The following MAML2 variants were observed in gnomAD, a reference collection of about 807,000 sequenced individuals.
MAML2 encodes the protein mastermind like transcriptional coactivator 2.
A neutral mutation model predicts 96.1 loss-of-function variants in MAML2; 22 were observed. That is an observed-to-expected ratio of 0.23 (90% CI 0.16 to 0.33). The LOEUF (loss-of-function observed/expected upper bound fraction) is 0.33. MAML2 is among the 10% of genes least tolerant of loss of function. The probability of loss-of-function intolerance (pLI) is 1.00; values close to 1 mark genes in which losing one functional copy is unlikely to be tolerated. For missense variants in MAML2, 1,367 were observed against 1,392.4 expected (o/e 0.98, Z 0.29); for synonymous variants, 561 against 521.3 (o/e 1.08, Z -1.04).
At chr11:96,174,483 A>G (rs1364088227) in intron 1 of MAML2, among the ~76,000 whole-genome samples, 1 of 152,206 alleles carries the variant, frequency 6.6e-6, no homozygotes, top group Non-Finnish European at 1.5e-5. Context: ...TCCTGGGTTC[A>G]AGCAATTCTC....
intron 1 of MAML2, among the ~76,000 whole-genome samples, chr11:96,183,151 G>A (rs1342066590): frequency 3.3e-5 from 5 of 151,750 alleles, no homozygotes; most frequent in African/African-American, 9.7e-5. Context: ...TAGAGACAGG[G>A]TTACATCATG....
At chr11:96,051,155 T>G (rs1366568451) in intron 2 of MAML2, among the ~76,000 whole-genome samples, 1 of 152,184 alleles carries the variant, frequency 6.6e-6, no homozygotes, top group African/African-American at 2.4e-5. Context: ...TTAAAATTAA[T>G]TCATCCATCC....
chr11:96,252,425 CTT>C (rs35604635), intron 1 of MAML2, among the ~76,000 whole-genome samples: 25 of 122,548 alleles, frequency 2.0e-4, no homozygotes, highest in Admixed American at 1.8e-4. Context: ...TTGACTAACT[CTT>C]TTTTTTTTTT....
At chr11:96,251,643 C>G (rs996557198) in intron 1 of MAML2, among the ~76,000 whole-genome samples, 1 of 151,968 alleles carries the variant, frequency 6.6e-6, no homozygotes, top group African/African-American at 2.4e-5. Context: ...TTTTAATTTT[C>G]CAAACATGTT....
chr11:96,036,697 G>C (rs1486642684), intron 2 of MAML2, among the ~76,000 whole-genome samples: 6 of 152,080 alleles, frequency 3.9e-5, no homozygotes, highest in Non-Finnish European at 7.4e-5. Context: ...ATTTAACCAA[G>C]AAGTCCCATT....
intron 2 of MAML2, among the ~76,000 whole-genome samples, chr11:96,044,662 T>C (rs1273465554): frequency 6.6e-6 from 1 of 152,180 alleles, no homozygotes; most frequent in African/African-American, 2.4e-5. Flanking sequence ...AGAGCAACCA[T>C]GCAGGTAGCT....
intron 1 of MAML2, among the ~76,000 whole-genome samples, chr11:96,317,342 A>G (rs2136008471): frequency 6.6e-6 from 1 of 152,290 alleles, no homozygotes; most frequent in Non-Finnish European, 1.5e-5. Context: ...AAATGCCTAA[A>G]ATGCTTAAGC....
chr11:96,317,716 T>G (rs1591129666), intron 1 of MAML2, among the ~76,000 whole-genome samples: 2 of 152,270 alleles, frequency 1.3e-5, no homozygotes, highest in African/African-American at 4.8e-5. Context: ...AGCTCCTTGG[T>G]CAGTGCTGGG....
At chr11:96,252,521 GT>G (rs1337001444) in intron 1 of MAML2, among the ~76,000 whole-genome samples, 1 of 151,042 alleles carries the variant, frequency 6.6e-6, no homozygotes, top group African/African-American at 2.4e-5. Flanking sequence ...TGCCTCCCGG[GT>G]TCAAACAATT....
At chr11:96,043,948 T>C (rs1291264282) in intron 2 of MAML2, among the ~76,000 whole-genome samples, 1 of 152,234 alleles carries the variant, frequency 6.6e-6, no homozygotes, top group Non-Finnish European at 1.5e-5. Context: ...TTAAAATAAG[T>C]AGATGAAGGT....
chr11:96,306,422 G>A (rs761179687), intron 1 of MAML2, among the ~76,000 whole-genome samples: 6 of 152,098 alleles, frequency 3.9e-5, no homozygotes, highest in African/African-American at 1.2e-4. Flanking sequence ...TGCAAAAAGG[G>A]GACTGAACCT....
At chr11:96,012,545 TG>T (rs1332885051) in intron 2 of MAML2, among the ~76,000 whole-genome samples, 1 of 152,196 alleles carries the variant, frequency 6.6e-6, no homozygotes, top group East Asian at 1.9e-4. Flanking sequence ...TATGTGCACA[TG>T]TCTTGACTTT....
At chr11:96,249,435 T>C (rs1044530693) in intron 1 of MAML2, among the ~76,000 whole-genome samples, 1 of 152,106 alleles carries the variant, frequency 6.6e-6, no homozygotes, top group African/African-American at 2.4e-5. Context: ...CCTGACTACT[T>C]GGCCTCTCCG....
intron 2 of MAML2, among the ~76,000 whole-genome samples, chr11:96,020,546 T>A (rs1858421358): frequency 6.6e-6 from 1 of 152,018 alleles, no homozygotes; most frequent in Non-Finnish European, 1.5e-5. Flanking sequence ...AGGGAGGGGG[T>A]GACTGGGGCA....
chr11:96,086,393 A>G (rs957154659), intron 2 of MAML2, among the ~76,000 whole-genome samples: 1 of 152,304 alleles, frequency 6.6e-6, no homozygotes, highest in African/African-American at 2.4e-5. Flanking sequence ...TTTCTTTATT[A>G]TGTAAAATAC....
intron 1 of MAML2, among the ~76,000 whole-genome samples, chr11:96,186,518 G>A (rs1424824705): frequency 1.3e-5 from 2 of 152,232 alleles, no homozygotes; most frequent in East Asian, 1.9e-4. Context: ...GAACCCGGGA[G>A]GTGGAGGTTG....
chr11:96,275,269 A>AT (rs56407815), intron 1 of MAML2, among the ~76,000 whole-genome samples: 5,146 of 111,748 alleles, frequency 0.046, 645 homozygotes, highest in African/African-American at 0.12. Context: ...ACACTAAGGA[A>AT]TTTTTTTTTT....
rs1373785333 is a variant in MAML2 at position 96,092,636 on chromosome 11, G to T, written c.1395C>A (p.Pro465=). 8 of 1,613,566 alleles carry T rather than the reference G, an allele frequency of 5.0e-6. No individual in the cohort carries two copies. Among genetic ancestry groups the T allele is most frequent in the African/African-American group, 1.3e-5 (1 of 74,846 alleles). The change falls in exon 2 of 5, where the codon CCC becomes CCA. Residue 465 remains proline (P), a synonymous_variant. Transcript: ENST00000524717. This position sits in a 1 kb window ranked among gnomAD's most constrained non-coding sequence, Gnocchi z 4.1. ...GACCTGGTGATGGTCCAGCAGAAGA[G>T]GGCAAGGCTGACCAGTTGGTAGGCT... The part of the protein sequence containing the change: ...QHQPTNWSAL[P]SSAGPSPGPF...
At chr11:96,282,256 A>AATAAT (rs989774428) in intron 1 of MAML2, among the ~76,000 whole-genome samples, 1,911 of 147,890 alleles carry the variant, frequency 0.013, 18 homozygotes, top group Non-Finnish European at 0.021. Context: ...CTCAAAAAAA[A>AATAAT]AATAATAATA....
Sources: gnomAD v4.1 joint callset for allele counts (sites outside exome capture counted in the v4.1 genomes callset) on GRCh38, gnomAD v4.1.1 for gene constraint, Gnocchi (gnomAD v3.1) non-coding constraint, MANE v1.5 for transcripts, NCBI Gene and HGNC (gene_info 2026-07-23, HGNC 2026-07-21) for gene names.